The following IL3 variants were observed in gnomAD, a reference collection of about 807,000 sequenced individuals.
IL3 encodes interleukin-3.
Under a neutral mutation model 15.4 loss-of-function variants are expected in IL3, and 15 were observed. The observed-to-expected ratio is 0.97, with a 90% CI of 0.65 to 1.50. IL3 has a LOEUF of 1.50. IL3 is among the 40% of genes most tolerant of loss of function. The pLI is 0.00. For missense variants in IL3, 162 were observed against 192.2 expected (o/e 0.84, Z 0.93); for synonymous variants, 74 against 79.3 (o/e 0.93, Z 0.36).
chr5:132,062,867 AC>A lies in IL3; in HGVS notation c.*78del, dbSNP rs1324216237. On this transcript the variant is annotated 3_prime_UTR_variant, in exon 5 of 5. Transcript: ENST00000296870. ...CATCAAAAACAGCAGAACTTCTGAA[AC>A]CTCTGGGTCATCTCTCACACATTCC... The A allele has an allele frequency of 5.2e-6, 8 of 1,538,024 alleles. No homozygotes were observed. Among genetic ancestry groups the A allele is most frequent in the Non-Finnish European group, 7.0e-6 (8 of 1,143,320 alleles).
At chr5:132,061,532 T>A (rs924079625) in intron 2 of IL3, among the ~76,000 whole-genome samples, 1 of 152,232 alleles carries the variant, frequency 6.6e-6, no homozygotes, top group Non-Finnish European at 1.5e-5. Flanking sequence ...TCCTGGGCCA[T>A]CTGTGTTTGG....
Position 132,061,012 on chromosome 5 carries a change from A to G in IL3, c.204+4A>G. 6.2e-7 allele frequency: 1 copy of G among 1,613,722 alleles called. No homozygotes were observed. Among genetic ancestry groups the G allele is most frequent in the South Asian group, 1.1e-5 (1 of 91,064 alleles). On this transcript the variant is annotated splice_donor_region_variant and intron_variant, in intron 2 of 4. Transcript: ENST00000296870. ...GGAAGACCAAGACATTCTGATGGTA[A>G]GAGCTCAGCCCGTGGATCCCGATCC... is the stretch of plus-strand genomic sequence containing the variant.
In IL3 at chr5:132,062,321, C is replaced by T. The variant is rs371559356; in HGVS notation, c.214C>T (p.Leu72Phe). The change falls in exon 3 of 5, where the codon CTT becomes TTT. Residue 72 changes from leucine to phenylalanine, a missense_variant. Coordinates refer to ENST00000296870, the MANE Select transcript of IL3 (RefSeq NM_000588.4). ...EDQDILMENN[L>F]RRPNLEAFNR... ...TTCTCTGCCCCGTTAGGAAAATAAC[C>T]TTCGAAGGCCAAACCTGGAGGCATT... The T allele has an allele frequency of 6.2e-7, 1 of 1,613,666 alleles. No homozygotes were observed. The highest frequency in any genetic ancestry group is 1.3e-5 in the African/African-American group (1 of 75,060).
intron 2 of IL3, among the ~76,000 whole-genome samples, chr5:132,061,321 G>A (rs557462186): frequency 6.6e-6 from 1 of 152,342 alleles, no homozygotes; most frequent in East Asian, 1.9e-4. Context: ...GGCAGACTCT[G>A]GACTGACAGA....
In IL3 at chr5:132,060,665, G is replaced by A. The variant is rs1458038271; in HGVS notation, c.-42G>A. The A allele has an allele frequency of 3.7e-6, 6 of 1,607,884 alleles. No homozygotes were observed. The highest frequency in any genetic ancestry group is 2.2e-5 in the South Asian group (2 of 90,814). ...TGTTGCCAACTCTTCAGAGCCCCAC[G>A]AAGGACCAGAACAAGACAGAGTGCC... On this transcript the variant is annotated 5_prime_UTR_variant, in exon 1 of 5. Transcript: ENST00000296870.
At position 132,060,812 on chromosome 5, in the gene IL3, T is replaced by G. The variant is rs759194662; in HGVS notation, c.106T>G (p.Ser36Ala). The change falls in exon 1 of 5, where the codon TCT becomes GCT. Residue 36 changes from serine to alanine, a missense_variant. Physicochemically the swap from Ser to Ala is moderately conservative, Grantham distance 99. Coordinates refer to ENST00000296870, the MANE Select transcript of IL3 (RefSeq NM_000588.4). ...CTTGAAGACAAGCTGGGTTAACTGC[T>G]CTAACATGATCGATGAAATTATAAC... is the stretch of plus-strand genomic sequence containing the variant. ...TPLKTSWVNCSNMIDEIITHL... is the reference protein window; with the variant it reads ...TPLKTSWVNCANMIDEIITHL... The G allele has an allele frequency of 6.2e-7, 1 of 1,614,204 alleles. No individual in the cohort carries two copies. Among genetic ancestry groups the G allele is most frequent in the South Asian group, 1.1e-5 (1 of 91,078 alleles).
chr5:132,062,767 G>A lies in IL3; in HGVS notation c.435G>A (p.Thr145=), dbSNP rs749075083. The A allele has an allele frequency of 4.3e-6, 7 of 1,613,716 alleles. No homozygotes were observed. The highest frequency in any genetic ancestry group is 1.7e-6 in the Non-Finnish European group (2 of 1,179,772). Residue 145 remains threonine (T), a synonymous_variant, in exon 5 of 5, where the codon ACG becomes ACA. Coordinates refer to ENST00000296870, the MANE Select transcript of IL3 (RefSeq NM_000588.4). ...TTGAGAATGCGCAGGCTCAACAGAC[G>A]ACTTTGAGCCTCGCGATCTTTTGAG... ...KTLENAQAQQ[T]TLSLAIF
At position 132,060,802 on chromosome 5, in the gene IL3, G is replaced by A; in HGVS notation, c.96G>A (p.Trp32Ter). Residue 32 changes from tryptophan (W) to a stop codon, truncating the protein, a stop_gained, in exon 1 of 5, where the codon TGG becomes TGA. Coordinates refer to ENST00000296870, the MANE Select transcript of IL3 (RefSeq NM_000588.4). LOFTEE classifies it high-confidence loss of function. ...AGACAACGCCCTTGAAGACAAGCTG[G>A]GTTAACTGCTCTAACATGATCGATG... ...MTQTTPLKTS[W>*]VNCSNMIDEI... The A allele has an allele frequency of 6.2e-7, 1 of 1,614,242 alleles. No homozygotes were observed. The highest frequency in any genetic ancestry group is 2.2e-5 in the East Asian group (1 of 44,878).
chr5:132,061,652 C>T (rs755343532), intron 2 of IL3, among the ~76,000 whole-genome samples: 66 of 152,280 alleles, frequency 4.3e-4, no homozygotes, highest in Middle Eastern at 3.4e-3. Flanking sequence ...CTGTTATCAG[C>T]CTCTGAGCTA....
intron 2 of IL3, among the ~76,000 whole-genome samples, chr5:132,061,868 A>G (rs1756484965): frequency 6.6e-6 from 1 of 151,368 alleles, no homozygotes; most frequent in Non-Finnish European, 1.5e-5. Flanking sequence ...TCCTGAGTTC[A>G]AGCAATTCTC....
At chr5:132,061,079 C>T in intron 2 of IL3, 71 bp downstream of exon 2, 1 of 1,398,546 alleles carries the variant, frequency 7.2e-7, no homozygotes, top group African/African-American at 1.4e-5. Flanking sequence ...TTCCATCTTA[C>T]CTAGCCTTGC....
At chr5:132,061,048 T>C in intron 2 of IL3, 40 bp downstream of exon 2, 1 of 1,600,424 alleles carries the variant, frequency 6.2e-7, no homozygotes, top group Non-Finnish European at 8.6e-7. Context: ...ACTTCCTGCC[T>C]GGGTGACTTC....
In IL3 at chr5:132,060,722, G is replaced by C. The variant is rs370114748; in HGVS notation, c.16G>C (p.Val6Leu). Residue 6 changes from valine to leucine, a missense_variant, in exon 1 of 5, where the codon GTC becomes CTC. Coordinates refer to ENST00000296870, the MANE Select transcript of IL3 (RefSeq NM_000588.4). ...CGATCCAAACATGAGCCGCCTGCCC[G>C]TCCTGCTCCTGCTCCAACTCCTGGT... The part of the protein sequence containing the change: MSRLP[V>L]LLLLQLLVRP... 6.2e-7 allele frequency: 1 copy of C among 1,613,366 alleles called. No individual in the cohort carries two copies. The highest frequency in any genetic ancestry group is 1.7e-5 in the Admixed American group (1 of 60,022).
chr5:132,061,599 T>C (rs938194304), intron 2 of IL3, among the ~76,000 whole-genome samples: 1 of 152,192 alleles, frequency 6.6e-6, no homozygotes, highest in Non-Finnish European at 1.5e-5. Context: ...TGTGATTTTC[T>C]TCTTGATTTC....
At chr5:132,062,473 C>A in intron 3 of IL3, 53 bp from the exon 4 acceptor site, 1 of 1,613,036 alleles carries the variant, frequency 6.2e-7, no homozygotes, top group Non-Finnish European at 8.5e-7. Context: ...AGAGCAGGGC[C>A]CACTCCCTTT....
At position 132,060,965 on chromosome 5, in the gene IL3, A is replaced by G. The variant is rs769320882; in HGVS notation, c.163-2A>G. ...GGCCTTTCTCTCCCTTCACCCCCAC[A>G]GGACTTCAACAACCTCAATGGGGAA... On this transcript the variant is annotated splice_acceptor_variant, in intron 1 of 4. Coordinates refer to ENST00000296870, the MANE Select transcript of IL3 (RefSeq NM_000588.4). LOFTEE classifies it high-confidence loss of function. 6.2e-7 allele frequency: 1 copy of G among 1,614,164 alleles called. No individual in the cohort carries two copies. Among genetic ancestry groups the G allele is most frequent in the Admixed American group, 1.7e-5 (1 of 60,032 alleles).
chr5:132,060,682 C>G lies in IL3; in HGVS notation c.-25C>G. The G allele has an allele frequency of 6.2e-7, 1 of 1,611,942 alleles. No homozygotes were observed. Among genetic ancestry groups the G allele is most frequent in the Non-Finnish European group, 8.5e-7 (1 of 1,179,902 alleles). On this transcript the variant is annotated 5_prime_UTR_variant, in exon 1 of 5. Transcript: ENST00000296870. Reference sequence around the variant, plus strand: ...AGCCCCACGAAGGACCAGAACAAGACAGAGTGCCTCCTGCCGATCCAAACA... The same window carrying G: ...AGCCCCACGAAGGACCAGAACAAGAGAGAGTGCCTCCTGCCGATCCAAACA...
chr5:132,062,714 A>G lies in IL3; in HGVS notation c.382A>G (p.Arg128Gly), dbSNP rs1756503018. Residue 128 changes from arginine to glycine, a missense_variant, in exon 5 of 5, where the codon AGG becomes GGG. Transcript: ENST00000296870. ...IKDGDWNEFR[R>G]KLTFYLKTLE... is the part of the protein sequence containing the mutation. ...GGACGGTGACTGGAATGAATTCCGG[A>G]GGAAACTGACGTTCTATCTGAAAAC... 5 of 1,614,078 alleles carry G rather than the reference A, an allele frequency of 3.1e-6. No individual in the cohort carries two copies. In the South Asian group the frequency reaches 4.4e-5, roughly 14 times the overall value.
chr5:132,061,010 T>C lies in IL3; in HGVS notation c.204+2T>C. The C allele has an allele frequency of 6.2e-7, 1 of 1,614,012 alleles. No homozygotes were observed. The highest frequency in any genetic ancestry group is 8.5e-7 in the Non-Finnish European group (1 of 1,179,892). The stretch of plus-strand genomic sequence containing the variant: ...GGGGAAGACCAAGACATTCTGATGG[T>C]AAGAGCTCAGCCCGTGGATCCCGAT... On this transcript the variant is annotated splice_donor_variant, in intron 2 of 4. Transcript: ENST00000296870. LOFTEE classifies it high-confidence loss of function.
Sources: gnomAD v4.1 joint callset for allele counts (sites outside exome capture counted in the v4.1 genomes callset) on GRCh38, gnomAD v4.1.1 for gene constraint, MANE v1.5 for transcripts, NCBI Gene and HGNC (gene_info 2026-07-23, HGNC 2026-07-21) for gene names.